Variants in ADGRG7 observed in about 807,000 individuals in gnomAD.
ADGRG7 encodes the protein G-protein coupled receptor 128.
A neutral mutation model predicts 88.6 loss-of-function variants in ADGRG7; 82 were observed. The ratio of observed to expected loss-of-function variants is 0.93; its 90% CI spans 0.77 to 1.11. The LOEUF is 1.11. Among genes scored for constraint, ADGRG7 ranks in the 50% most tolerant of loss-of-function variants. The pLI is 0.00. For synonymous variants in ADGRG7, 381 were observed against 345.2 expected (o/e 1.10, Z -1.15); for missense variants, 945 against 953.4 (o/e 0.99, Z 0.12).
At chr3:100,622,526 A>G (rs1707328334) in intron 1 of ADGRG7, among the ~76,000 whole-genome samples, 1 of 151,972 alleles carries the variant, frequency 6.6e-6, no homozygotes, top group African/African-American at 2.4e-5. Flanking sequence ...TCACTTGTTT[A>G]TTGCCCATCC....
intron 15 of ADGRG7, among the ~76,000 whole-genome samples, chr3:100,671,969 T>C (rs981764600): frequency 7.9e-5 from 12 of 152,216 alleles, no homozygotes; most frequent in African/African-American, 2.9e-4. Context: ...CCTTGTAGCA[T>C]AGTTTGAAGT....
chr3:100,668,260 A>T (rs575792014), intron 14 of ADGRG7, among the ~76,000 whole-genome samples: 1 of 151,924 alleles, frequency 6.6e-6, no homozygotes, highest in Non-Finnish European at 1.5e-5. Flanking sequence ...ACTCACTTTC[A>T]TGTCTGGTGG....
chr3:100,635,693 C>T lies in ADGRG7; in HGVS notation c.464C>T (p.Ala155Val), dbSNP rs1197177622. 6.2e-7 allele frequency: 1 copy of T among 1,613,604 alleles called. No homozygotes were observed. The highest frequency in any genetic ancestry group is 1.7e-5 in the Admixed American group (1 of 59,958). ...TLEKQVKDVT[A>V]PLNNISSEVQ... is the part of the protein sequence containing the mutation. ...TTAAAACAGGTAAAGGATGTCACAG[C>T]ACCACTTAATAACATTTCTTCTGAA... The change falls in exon 5 of 16, where the codon GCA becomes GTA. Residue 155 changes from alanine (A) to valine (V), a missense_variant. Physicochemically the swap from Ala to Val is moderately conservative, Grantham distance 64. Coordinates refer to ENST00000273352, the MANE Select transcript of ADGRG7 (RefSeq NM_032787.3).
intron 13 of ADGRG7, among the ~76,000 whole-genome samples, chr3:100,659,464 A>C (rs986243610): frequency 2.7e-5 from 4 of 148,866 alleles, no homozygotes; most frequent in Non-Finnish European, 4.5e-5. Flanking sequence ...AAAAAAAAAA[A>C]GGCCCATCAA....
chr3:100,693,275 A>G (rs991582887), intron 15 of ADGRG7, among the ~76,000 whole-genome samples: 1 of 152,208 alleles, frequency 6.6e-6, no homozygotes, highest in African/African-American at 2.4e-5. Context: ...AGTGTATGCC[A>G]CAAAAAAGAT....
chr3:100,645,543 C>T (rs1485052741), intron 8 of ADGRG7, among the ~76,000 whole-genome samples: 3 of 152,212 alleles, frequency 2.0e-5, no homozygotes, highest in Non-Finnish European at 4.4e-5. Flanking sequence ...TTGCTATTTC[C>T]TGTCTCATAT....
intron 15 of ADGRG7, among the ~76,000 whole-genome samples, chr3:100,693,018 G>A (rs1320271038): frequency 6.6e-6 from 1 of 152,170 alleles, no homozygotes; most frequent in Non-Finnish European, 1.5e-5. Flanking sequence ...ATATTACTTA[G>A]AAGGCACAAT....
At chr3:100,648,996 G>A (rs1707803159) in intron 10 of ADGRG7, among the ~76,000 whole-genome samples, 1 of 151,782 alleles carries the variant, frequency 6.6e-6, no homozygotes, top group African/African-American at 2.4e-5. Context: ...AAATTAACAG[G>A]GTATGAGCAT....
At chr3:100,647,380 C>T (rs2449251) in intron 10 of ADGRG7, among the ~76,000 whole-genome samples, 136,446 of 152,174 alleles carry the variant, frequency 0.9, 63,072 homozygotes, top group East Asian at 1. Context: ...TAGCTGTGTG[C>T]CAGAGACAGG....
intron 14 of ADGRG7, among the ~76,000 whole-genome samples, chr3:100,668,213 T>C (rs1050496231): frequency 6.6e-5 from 10 of 152,228 alleles, no homozygotes; most frequent in African/African-American, 2.2e-4. Flanking sequence ...GCTGCAGACC[T>C]GTGCTGTTCC....
chr3:100,627,712 T>C (rs1242035184), intron 1 of ADGRG7, among the ~76,000 whole-genome samples: 1 of 152,200 alleles, frequency 6.6e-6, no homozygotes, highest in Non-Finnish European at 1.5e-5. Context: ...TTTCTCCTTA[T>C]CTTTGAGTTT....
intron 15 of ADGRG7, among the ~76,000 whole-genome samples, chr3:100,688,109 A>G (rs9822121): frequency 0.33 from 49,335 of 151,494 alleles, 8,494 homozygotes; most frequent in East Asian, 0.54. Flanking sequence ...GTCTTGGGAG[A>G]GTGTATGTGT....
chr3:100,655,131 T>G lies in ADGRG7; in HGVS notation c.1676T>G (p.Met559Arg). The G allele has an allele frequency of 1.2e-6, 2 of 1,613,758 alleles. No individual in the cohort carries two copies. The highest frequency in any genetic ancestry group is 1.7e-6 in the Non-Finnish European group (2 of 1,179,690). Residue 559 changes from methionine (M) to arginine (R), a missense_variant, in exon 12 of 16, where the codon ATG (methionine) becomes AGG (arginine). Met to Arg is a moderately conservative substitution (Grantham distance 91). Transcript: ENST00000273352. ...CTCTATTACCTTCTAATAAGGACCA[T>G]GAAGCCTCTTCCTCGGCATTTCATT... ...AQLYYLLIRTMKPLPRHFILF... is the reference protein window; with the variant it reads ...AQLYYLLIRTRKPLPRHFILF...
At chr3:100,646,755 A>G (rs1396257461) in intron 10 of ADGRG7, 31 bp downstream of exon 10, 4 of 1,585,524 alleles carry the variant, frequency 2.5e-6, no homozygotes, top group African/African-American at 2.7e-5. Context: ...CTCTTTCCAG[A>G]TGAGAATTTT....
At chr3:100,652,369 A>C (rs1181320661) in intron 11 of ADGRG7, among the ~76,000 whole-genome samples, 1 of 152,200 alleles carries the variant, frequency 6.6e-6, no homozygotes, top group Non-Finnish European at 1.5e-5. Flanking sequence ...TCATCAAATT[A>C]TGAGTTATTA....
At chr3:100,666,579 G>A (rs77073196) in intron 14 of ADGRG7, among the ~76,000 whole-genome samples, 3 of 152,048 alleles carry the variant, frequency 2.0e-5, no homozygotes, top group African/African-American at 2.4e-5. Context: ...GGTTTTATAC[G>A]GAGACATTCC....
intron 15 of ADGRG7, among the ~76,000 whole-genome samples, chr3:100,679,007 T>G (rs1489665786): frequency 6.6e-6 from 1 of 152,172 alleles, no homozygotes; most frequent in Non-Finnish European, 1.5e-5. Flanking sequence ...AATTAGCAGG[T>G]GGCAAATCTA....
At chr3:100,629,749 C>A in intron 2 of ADGRG7, 38 bp downstream of exon 2, 1 of 1,338,644 alleles carries the variant, frequency 7.5e-7, no homozygotes, top group Non-Finnish European at 1.1e-6. Context: ...GTAAGGTTTA[C>A]GTCACTCTTG....
chr3:100,634,320 T>A (rs1707501390), intron 4 of ADGRG7, among the ~76,000 whole-genome samples: 2 of 152,186 alleles, frequency 1.3e-5, no homozygotes, highest in African/African-American at 4.8e-5. Context: ...TTGAATGTTA[T>A]TCCCATATTA....
Sources: allele counts gnomAD v4.1 joint callset (sites outside exome capture counted in the v4.1 genomes callset), GRCh38; gene constraint gnomAD v4.1.1; transcripts MANE v1.5; gene names NCBI Gene and HGNC (gene_info 2026-07-23, HGNC 2026-07-21).